Variants in PLEKHM1 observed in about 807,000 individuals in gnomAD.
PLEKHM1 encodes the protein pleckstrin homology and RUN domain containing M1.
In PLEKHM1, 28 loss-of-function variants were observed where a neutral mutation model predicts 94.3. The ratio of observed to expected loss-of-function variants is 0.30; its 90% CI spans 0.22 to 0.41. The LOEUF (loss-of-function observed/expected upper bound fraction) is 0.41. Ranked by LOEUF, PLEKHM1 falls within the 10% of genes least tolerant of loss-of-function variation. The pLI, the probability that PLEKHM1 is intolerant of heterozygous loss-of-function variation, is 1.00. For missense variants in PLEKHM1, 907 were observed against 1,358.6 expected (o/e 0.67, Z 5.22); for synonymous variants, 424 against 581.2 (o/e 0.73, Z 3.89).
At chr17:45,441,436 G>A (rs2050443041) in intron 9 of PLEKHM1, among the ~76,000 whole-genome samples, 1 of 152,202 alleles carries the variant, frequency 6.6e-6, no homozygotes, top group Non-Finnish European at 1.5e-5. Flanking sequence ...GGTGTCCCCA[G>A]TAAACTTCCT....
intron 1 of PLEKHM1, among the ~76,000 whole-genome samples, 180 bp downstream of exon 1, chr17:45,490,472 G>T (rs958334065): frequency 6.6e-6 from 1 of 152,094 alleles, no homozygotes; most frequent in East Asian, 1.9e-4. Flanking sequence ...GGTGCAGGGG[G>T]AAGGCTGGGT....
At chr17:45,475,853 T>A (rs2051713248) in intron 3 of PLEKHM1, 127 bp from the exon 4 acceptor site, 8 of 1,075,150 alleles carry the variant, frequency 7.4e-6, no homozygotes, top group South Asian at 2.7e-5. Context: ...AAATATTGGG[T>A]AATAGTGTTT....
chr17:45,473,992 T>C (rs1196053683), intron 4 of PLEKHM1, among the ~76,000 whole-genome samples: 3 of 152,034 alleles, frequency 2.0e-5, no homozygotes, highest in Non-Finnish European at 4.4e-5. Context: ...GCTTTCACTG[T>C]ATATGTTTTA....
intron 9 of PLEKHM1, 118 bp from the exon 10 acceptor site, chr17:45,440,344 G>A: frequency 9.8e-7 from 1 of 1,016,010 alleles, no homozygotes; most frequent in Non-Finnish European, 1.5e-6. Context: ...GCCTGGGCGG[G>A]GCAGGGGCTA....
intron 8 of PLEKHM1, among the ~76,000 whole-genome samples, chr17:45,446,892 C>T (rs998629893): frequency 2.0e-5 from 3 of 152,128 alleles, no homozygotes; most frequent in Non-Finnish European, 4.4e-5. Flanking sequence ...TCAGTTTCCT[C>T]ATCTGTAAAA....
At position 45,453,370 on chromosome 17, in the gene PLEKHM1, C is replaced by T; in HGVS notation, c.2482G>A (p.Gly828Ser). ...AAATCGGCACCTGCGCAGAAGCAGC[C>T]TTGGGAGTCAAGGCCTTTCTCCATG... ...IPMEKGLDSQ[G>S]CFCAGCSRQI... The change falls in exon 7 of 12, where the codon GGC becomes AGC. Residue 828 changes from glycine (G) to serine (S), a missense_variant. Coordinates refer to ENST00000430334, the MANE Select transcript of PLEKHM1 (RefSeq NM_014798.3). The surrounding 1 kb of genome is among the most constrained non-coding windows in gnomAD (Gnocchi z 4.1). The T allele has an allele frequency of 6.2e-7, 1 of 1,613,594 alleles. No homozygotes were observed. Among genetic ancestry groups the T allele is most frequent in the Non-Finnish European group, 8.5e-7 (1 of 1,179,702 alleles).
chr17:45,474,749 C>T (rs1040127850), intron 4 of PLEKHM1, among the ~76,000 whole-genome samples: 7 of 152,058 alleles, frequency 4.6e-5, no homozygotes, highest in African/African-American at 1.7e-4. Context: ...CCCAGGCTGG[C>T]CTCGAACTGC....
At chr17:45,457,767 C>T (rs1280353514) in intron 6 of PLEKHM1, among the ~76,000 whole-genome samples, 2 of 152,206 alleles carry the variant, frequency 1.3e-5, no homozygotes, top group South Asian at 4.1e-4. Flanking sequence ...TTTGATCAAG[C>T]CACCCAGAGC....
Position 45,445,581 on chromosome 17 carries a change from T to G in PLEKHM1, c.2726A>C (p.Tyr909Ser). ...INLQMVNASL[Y>S]EHVERMHLIG... ...GAGGTGCATCCGCTCCACATGCTCG[T>G]ACAGAGACGCGTTCACCATCTGCAG... is the stretch of plus-strand genomic sequence containing the variant. Residue 909 changes from tyrosine to serine, a missense_variant, in exon 9 of 12, where the codon TAC becomes TCC. Coordinates refer to ENST00000430334, the MANE Select transcript of PLEKHM1 (RefSeq NM_014798.3). This position sits in a 1 kb window ranked among gnomAD's most constrained non-coding sequence, Gnocchi z 4.2. The G allele has an allele frequency of 7.4e-6, 12 of 1,613,770 alleles. No homozygotes were observed. The highest frequency in any genetic ancestry group is 1.0e-5 in the Non-Finnish European group (12 of 1,179,848).
At chr17:45,487,245 C>T (rs1322142469) in intron 1 of PLEKHM1, among the ~76,000 whole-genome samples, 1 of 152,166 alleles carries the variant, frequency 6.6e-6, no homozygotes, top group Non-Finnish European at 1.5e-5. Flanking sequence ...TGATGTCCCT[C>T]TCTAACCTCA....
chr17:45,446,789 A>G (rs111373690), intron 8 of PLEKHM1, among the ~76,000 whole-genome samples: 1 of 152,190 alleles, frequency 6.6e-6, no homozygotes, highest in Admixed American at 6.5e-5. Context: ...TGTAGGGGAA[A>G]AAAAGTCTGG....
At chr17:45,450,552 C>T in intron 8 of PLEKHM1, 66 bp downstream of exon 8, 3 of 1,582,728 alleles carry the variant, frequency 1.9e-6, no homozygotes, top group Non-Finnish European at 2.6e-6. Flanking sequence ...AGATGAACAG[C>T]AGCAGCAAAG....
In PLEKHM1 at chr17:45,458,630, C is replaced by G. The variant is rs558903491; in HGVS notation, c.1309-191G>C. Among the ~76,000 whole-genome samples the G allele has an allele frequency of 7.2e-5, 11 of 152,164 alleles. No individual in the cohort carries two copies. In the South Asian group the frequency reaches 1.9e-3, roughly 26 times the overall value. On this transcript the variant is annotated intron_variant, in intron 5 of 11. Coordinates refer to ENST00000430334, the MANE Select transcript of PLEKHM1 (RefSeq NM_014798.3). ...GGATTACAGGCGCCCACCACCATGC[C>G]CAGCTAATTTTTGTATTTTTAGTAG... is the stretch of plus-strand genomic sequence containing the variant.
chr17:45,456,740 G>A (rs929945282), intron 6 of PLEKHM1, among the ~76,000 whole-genome samples: 1 of 152,228 alleles, frequency 6.6e-6, no homozygotes, highest in African/African-American at 2.4e-5. Flanking sequence ...CAGAAAATGA[G>A]GAGAGAAAGA....
chr17:45,481,381 G>A (rs2051945896), intron 2 of PLEKHM1, among the ~76,000 whole-genome samples: 1 of 151,292 alleles, frequency 6.6e-6, no homozygotes, highest in Non-Finnish European at 1.5e-5. Flanking sequence ...AGTATCCTTT[G>A]AAGCTCAAAA....
chr17:45,449,850 C>A (rs560987656), intron 8 of PLEKHM1, among the ~76,000 whole-genome samples: 1 of 151,392 alleles, frequency 6.6e-6, no homozygotes, highest in South Asian at 2.1e-4. Context: ...ACCTAGCCAC[C>A]TGCTCATTCA....
Position 45,447,079 on chromosome 17 carries a change from G to C in PLEKHM1, c.2644-1416C>G, listed in dbSNP as rs141207750. On this transcript the variant is annotated intron_variant, in intron 8 of 11. Transcript: ENST00000430334. Reference sequence around the variant, plus strand: ...GTATTCCAGGAGAGCTCCTGGCATAGGGCCTGGCAGGTGGCACATCCCCAG... The same window carrying C: ...GTATTCCAGGAGAGCTCCTGGCATACGGCCTGGCAGGTGGCACATCCCCAG... Among the ~76,000 whole-genome samples, 149 of 152,334 alleles carry C rather than the reference G, an allele frequency of 9.8e-4. No homozygotes were observed. In the East Asian group the frequency reaches 0.026, roughly 26 times the overall value.
At position 45,453,908 on chromosome 17, in the gene PLEKHM1, G is replaced by A. The variant is rs145772830; in HGVS notation, c.1944C>T (p.Pro648=). 102 of 1,613,762 alleles carry A rather than the reference G, an allele frequency of 6.3e-5. No homozygotes were observed. In the Middle Eastern group the frequency reaches 2.0e-3, roughly 31 times the overall value. Residue 648 remains proline (P), a synonymous_variant, in exon 7 of 12, where the codon CCC becomes CCT. Transcript: ENST00000430334. This position sits in a 1 kb window ranked among gnomAD's most constrained non-coding sequence, Gnocchi z 4.1. ...GAGAGAGGCAGCCCTGGGGCGCCTC[G>A]GGGGGTTCCTCAGGCTGGTCTGGGT... is the stretch of plus-strand genomic sequence containing the variant. ...VQYPDQPEEP[P]EAPQGCLSPS...
intron 1 of PLEKHM1, among the ~76,000 whole-genome samples, chr17:45,486,236 A>T (rs1350911959): frequency 3.5e-5 from 5 of 144,484 alleles, no homozygotes; most frequent in African/African-American, 7.6e-5. Flanking sequence ...AAGATAAAAT[A>T]AAAAAATAAT....
Sources: gnomAD v4.1 joint callset for allele counts (sites outside exome capture counted in the v4.1 genomes callset) on GRCh38, gnomAD v4.1.1 for gene constraint, Gnocchi (gnomAD v3.1) non-coding constraint, MANE v1.5 for transcripts, NCBI Gene and HGNC (gene_info 2026-07-23, HGNC 2026-07-21) for gene names.